M1AP: variants seen among roughly 807,000 people sequenced by gnomAD.
The protein encoded by M1AP is meiosis 1 associated protein, also known as meiosis 1 arrest protein.
M1AP carries 39 observed loss-of-function variants against 51.2 expected under a neutral mutation model. The observed-to-expected ratio is 0.76, with a 90% CI of 0.59 to 1.00. The LOEUF is 1.00. Among genes scored for constraint, M1AP ranks in the 50% least tolerant of loss-of-function variants. M1AP has a pLI of 0.00. For synonymous variants in M1AP, 251 were observed against 249.2 expected (o/e 1.01, Z -0.07); for missense variants, 545 against 641.2 (o/e 0.85, Z 1.62).
intron 7 of M1AP, among the ~76,000 whole-genome samples, chr2:74,566,138 G>T (rs1008679998): frequency 1.3e-5 from 2 of 152,140 alleles, no homozygotes; most frequent in Admixed American, 1.3e-4. Flanking sequence ...AAGCTCTTTG[G>T]ATTCTGGGTA....
At chr2:74,624,240 A>C (rs1425518855) in intron 2 of M1AP, among the ~76,000 whole-genome samples, 2 of 152,244 alleles carry the variant, frequency 1.3e-5, no homozygotes. Context: ...GTTATCAGAA[A>C]GTCAAGTTAG....
intron 2 of M1AP, among the ~76,000 whole-genome samples, chr2:74,630,598 C>T (rs904017119): frequency 6.6e-6 from 1 of 152,154 alleles, no homozygotes; most frequent in Non-Finnish European, 1.5e-5. Flanking sequence ...TTTTCTGTTC[C>T]TGTGTTAGTT....
rs1375168254 is a variant in M1AP at position 74,569,556 on chromosome 2, G to A, written c.1074+5882C>T. Among the ~76,000 whole-genome samples, 24 of 151,992 alleles carry A rather than the reference G, an allele frequency of 1.6e-4. 2 individuals are homozygous for A. Among genetic ancestry groups the A allele is most frequent in the African/African-American group, 5.8e-4 (24 of 41,452 alleles). On this transcript the variant is annotated intron_variant, in intron 7 of 10. Transcript: ENST00000421985. Reference sequence around the variant, plus strand: ...CCCCCAGCTAATTTTTGTATTTTTAGTAGAGATGAGGTTTCGCCATGTTGG... The same window carrying A: ...CCCCCAGCTAATTTTTGTATTTTTAATAGAGATGAGGTTTCGCCATGTTGG...
chr2:74,642,266 AATAAT>A (rs1300888918), intron 1 of M1AP, among the ~76,000 whole-genome samples: 1 of 148,010 alleles, frequency 6.8e-6, no homozygotes, highest in African/African-American at 2.7e-5. Flanking sequence ...AATTGAAACT[AATAAT>A]ATACAAAAAA....
intron 4 of M1AP, among the ~76,000 whole-genome samples, chr2:74,603,141 A>G (rs1190317676): frequency 6.6e-6 from 1 of 152,220 alleles, no homozygotes; most frequent in Non-Finnish European, 1.5e-5. Context: ...GTCATGACCC[A>G]TTCTGTGACC....
intron 4 of M1AP, among the ~76,000 whole-genome samples, chr2:74,603,447 G>A (rs1164260271): frequency 6.6e-6 from 1 of 152,188 alleles, no homozygotes; most frequent in Admixed American, 6.5e-5. Flanking sequence ...GCTAAATTAC[G>A]TGGTAGAGAC....
chr2:74,638,508 G>A (rs1224418589), intron 2 of M1AP, among the ~76,000 whole-genome samples: 1 of 152,136 alleles, frequency 6.6e-6, no homozygotes, highest in African/African-American at 2.4e-5. Context: ...AGAATGTGGA[G>A]GAAGTGACAA....
At chr2:74,599,264 G>GACTCA (rs1001402423) in intron 4 of M1AP, among the ~76,000 whole-genome samples, 13 of 152,092 alleles carry the variant, frequency 8.5e-5, no homozygotes, top group African/African-American at 2.9e-4. Flanking sequence ...GAGTGACAGA[G>GACTCA]ACTCTGTCAA....
At chr2:74,615,599 T>C in intron 2 of M1AP, 1 of 175,886 alleles carries the variant, frequency 5.7e-6, no homozygotes, top group Non-Finnish European at 1.2e-5. Context: ...GGTTGATCAC[T>C]TCAGAATTCA....
At position 74,576,803 on chromosome 2, in the gene M1AP, G is replaced by C. The variant is rs539943947; in HGVS notation, c.770-185C>G. On this transcript the variant is annotated intron_variant, in intron 5 of 10. Coordinates refer to ENST00000421985, the MANE Select transcript of M1AP (RefSeq NM_001321739.2). ...GGAAAGCCTGACTGGTTTGGAAAGG[G>C]AGAACAGGTCTGGAAGCTATAGTAT... 133 of 1,283,112 alleles carry C rather than the reference G, an allele frequency of 1.0e-4. 2 individuals carry two copies. The East Asian group carries it at 3.3e-3, about 32-fold the overall frequency. 79.5% of individuals were successfully genotyped at this position (1,283,112 alleles called of 1,614,324 possible).
intron 1 of M1AP, among the ~76,000 whole-genome samples, chr2:74,640,631 T>G (rs1683243891): frequency 6.6e-6 from 1 of 152,188 alleles, no homozygotes; most frequent in African/African-American, 2.4e-5. Flanking sequence ...CAGCTAATTT[T>G]TGTATTTTTA....
intron 4 of M1AP, among the ~76,000 whole-genome samples, chr2:74,588,165 AGG>A (rs563543586): frequency 3.6e-4 from 55 of 152,310 alleles, no homozygotes; most frequent in Non-Finnish European, 7.1e-4. Context: ...GACATTCATG[AGG>A]CCTGTACTTG....
chr2:74,564,875 C>T (rs1316213879), intron 7 of M1AP, among the ~76,000 whole-genome samples: 2 of 152,094 alleles, frequency 1.3e-5, no homozygotes, highest in African/African-American at 4.8e-5. Context: ...TATTTTAAAT[C>T]TTCTATTTTT....
chr2:74,640,280 G>A lies in M1AP; in HGVS notation c.-5C>T. 1.9e-6 allele frequency: 3 copies of A among 1,613,914 alleles called. No individual in the cohort carries two copies. Among genetic ancestry groups the A allele is most frequent in the Non-Finnish European group, 2.5e-6 (3 of 1,179,900 alleles). ...AGTAGTTCGCCCAGGATGCATGGCAGCAAAACCAGAGGGGGAACTGTAGCC... is the reference window on the plus strand; with the variant it reads ...AGTAGTTCGCCCAGGATGCATGGCAACAAAACCAGAGGGGGAACTGTAGCC... On this transcript the variant is annotated 5_prime_UTR_variant, in exon 2 of 11. Coordinates refer to ENST00000421985, the MANE Select transcript of M1AP (RefSeq NM_001321739.2).
chr2:74,565,282 A>G (rs181195063), intron 7 of M1AP, among the ~76,000 whole-genome samples: 2 of 152,338 alleles, frequency 1.3e-5, no homozygotes, highest in East Asian at 1.9e-4. Context: ...GTGTGGGTAC[A>G]CAGAACCATG....
intron 3 of M1AP, among the ~76,000 whole-genome samples, chr2:74,613,576 G>A (rs1681494010): frequency 1.3e-5 from 2 of 152,086 alleles, no homozygotes; most frequent in African/African-American, 4.8e-5. Flanking sequence ...GGATACAGCT[G>A]GCTGGAGTTT....
intron 4 of M1AP, among the ~76,000 whole-genome samples, chr2:74,598,735 C>T (rs1439029298): frequency 6.7e-6 from 1 of 149,854 alleles, no homozygotes; most frequent in Non-Finnish European, 1.5e-5. Flanking sequence ...AGTCTCCTGT[C>T]TCAGCATCCT....
intron 2 of M1AP, among the ~76,000 whole-genome samples, chr2:74,635,763 G>C (rs1244401622): frequency 1.3e-5 from 2 of 152,002 alleles, no homozygotes; most frequent in African/African-American, 2.4e-5. Context: ...GTGTTGTTTA[G>C]TTTTCAAGTG....
At chr2:74,588,916 C>T (rs1028261830) in intron 4 of M1AP, among the ~76,000 whole-genome samples, 13 of 152,196 alleles carry the variant, frequency 8.5e-5, no homozygotes, top group African/African-American at 3.1e-4. Flanking sequence ...GAGCTAGGCA[C>T]TTATTGGTGT....
Sources: gnomAD v4.1 joint callset for allele counts (sites outside exome capture counted in the v4.1 genomes callset) on GRCh38, gnomAD v4.1.1 for gene constraint, MANE v1.5 for transcripts, NCBI Gene and HGNC (gene_info 2026-07-23, HGNC 2026-07-21) for gene names.